Variants in TMEM252 observed in about 807,000 individuals in gnomAD.
The protein encoded by TMEM252 is transmembrane protein 252.
A neutral mutation model predicts 6.4 loss-of-function variants in TMEM252; 4 were observed. That is an observed-to-expected ratio of 0.62 (90% confidence interval 0.31 to 1.43). The LOEUF is 1.43. TMEM252 is among the 40% of genes most tolerant of loss of function. The pLI, the probability that TMEM252 is intolerant of heterozygous loss-of-function variation, is 0.07. For missense variants in TMEM252, 207 were observed against 209.4 expected, an observed-to-expected ratio of 0.99 and a Z score of 0.07; for synonymous variants, 85 against 82.5, an observed-to-expected ratio of 1.03 and a Z score of -0.17.
chr9:68,538,677 C>T (rs1825169669), intron 1 of TMEM252, among the ~76,000 whole-genome samples: 1 of 152,182 alleles, frequency 6.6e-6, no homozygotes. Flanking sequence ...CCTGGGTATC[C>T]ATTTTGAGTG....
In TMEM252 at chr9:68,537,420, C is replaced by CCT. The variant is rs763038520; in HGVS notation, c.350_351dup (p.Ala118ArgfsTer35). The stretch of plus-strand genomic sequence containing the variant: ...TATAGAGGTGGAGGAATGCCAGAGG[C>CCT]CTCTCTCTCTGCAGGACAGCTCTGC... On this transcript the variant is annotated frameshift_variant, in exon 2 of 2. Transcript: ENST00000377311. LOFTEE classifies it low-confidence loss of function (END_TRUNC). 49 of 1,606,062 alleles carry CCT rather than the reference C, an allele frequency of 3.1e-5. No homozygotes were observed. The highest frequency in any genetic ancestry group is 3.8e-5 in the Non-Finnish European group (45 of 1,177,790).
rs1237949899 is a variant in TMEM252, at chr9:68,537,214, T to TC, written c.*44dup. 6.5e-7 allele frequency: 1 copy of TC among 1,539,850 alleles called. No homozygotes were observed. The highest frequency in any genetic ancestry group is 1.2e-5 in the South Asian group (1 of 86,074). On this transcript the variant is annotated 3_prime_UTR_variant, in exon 2 of 2. Coordinates refer to ENST00000377311, the MANE Select transcript of TMEM252 (RefSeq NM_153237.2). Reference sequence around the variant, plus strand: ...GTTTGCCTTTATTATCAGTAGCTGCTCCCCACAGTGGTGGCATCATGAGTG... The same window carrying TC: ...GTTTGCCTTTATTATCAGTAGCTGCTCCCCCACAGTGGTGGCATCATGAGTG...
chr9:68,540,496 C>T, intron 1 of TMEM252, 41 bp downstream of exon 1: 2 of 1,607,304 alleles, frequency 1.2e-6, no homozygotes, highest in Non-Finnish European at 1.7e-6. Context: ...CAACTCAGCC[C>T]ATCTCAGCCC....
Position 68,540,851 on chromosome 9 carries a change from G to T in TMEM252, c.-37C>A. 1 of 1,589,042 alleles carries T rather than the reference G, an allele frequency of 6.3e-7. No individual in the cohort carries two copies. Among genetic ancestry groups the T allele is most frequent in the Non-Finnish European group, 8.6e-7 (1 of 1,161,872 alleles). The stretch of plus-strand genomic sequence containing the variant: ...AGGAACCCAGCACCCTGACCCTGCT[G>T]CTCCTCTGCTTCCCTGCTTGCTCCA... On this transcript the variant is annotated 5_prime_UTR_variant, in exon 1 of 2. Transcript: ENST00000377311.
At chr9:68,540,066 TA>T (rs1825184748) in intron 1 of TMEM252, among the ~76,000 whole-genome samples, 1 of 152,224 alleles carries the variant, frequency 6.6e-6, no homozygotes, top group Admixed American at 6.5e-5. Context: ...TCACAACACC[TA>T]AAAGGACAGT....
At chr9:68,537,612 T>G in intron 1 of TMEM252, 119 bp from the exon 2 acceptor site, 1 of 750,858 alleles carries the variant, frequency 1.3e-6, no homozygotes, top group Non-Finnish European at 2.1e-6. Context: ...AACATGGATT[T>G]TTGAAACAGA....
In TMEM252 at chr9:68,537,330, T is replaced by C; in HGVS notation, c.442A>G (p.Arg148Gly). ...ACCACCAGGCCGGCTATGGACTCTC[T>C]ATAAGATGGTGGGGCCTCTGGGTGG... ...DSHPEAPPSY[R>G]ESIAGLVVTA... Residue 148 changes from arginine to glycine, a missense_variant, in exon 2 of 2, where the codon AGA becomes GGA. By Grantham distance (125) the Arg-to-Gly change is moderately radical (BLOSUM62 -2). Coordinates refer to ENST00000377311, the MANE Select transcript of TMEM252 (RefSeq NM_153237.2). 6.2e-7 allele frequency: 1 copy of C among 1,605,968 alleles called. No homozygotes were observed. Among genetic ancestry groups the C allele is most frequent in the African/African-American group, 1.3e-5 (1 of 74,270 alleles).
At position 68,537,223 on chromosome 9, in the gene TMEM252, TG is replaced by T; in HGVS notation, c.*35del. 1 of 1,567,392 alleles carries T rather than the reference TG, an allele frequency of 6.4e-7. No individual in the cohort carries two copies. Among genetic ancestry groups the T allele is most frequent in the Non-Finnish European group, 8.7e-7 (1 of 1,148,612 alleles). On this transcript the variant is annotated 3_prime_UTR_variant, in exon 2 of 2. Transcript: ENST00000377311. Reference sequence around the variant, plus strand: ...TATTATCAGTAGCTGCTCCCCACAGTGGTGGCATCATGAGTGCTGGAGAGCT... The same window carrying T: ...TATTATCAGTAGCTGCTCCCCACAGTGTGGCATCATGAGTGCTGGAGAGCT...
chr9:68,540,638 G>A lies in TMEM252; in HGVS notation c.177C>T (p.Phe59=). ...CAGTCACCTGGCGATAGTTGCTCCA[G>A]AAAATTCCACTCAGAAGGATCACAA... ...LGFVILLSGI[F]WSNYRQVTES... Residue 59 remains phenylalanine (F), a synonymous_variant, in exon 1 of 2, where the codon TTC becomes TTT. Coordinates refer to ENST00000377311, the MANE Select transcript of TMEM252 (RefSeq NM_153237.2). The A allele has an allele frequency of 6.2e-7, 1 of 1,614,152 alleles. No homozygotes were observed. The highest frequency in any genetic ancestry group is 8.5e-7 in the Non-Finnish European group (1 of 1,180,030).
In TMEM252 at chr9:68,540,849, C is replaced by A; in HGVS notation, c.-35G>T. On this transcript the variant is annotated 5_prime_UTR_variant, in exon 1 of 2. Coordinates refer to ENST00000377311, the MANE Select transcript of TMEM252 (RefSeq NM_153237.2). ...TTAGGAACCCAGCACCCTGACCCTG[C>A]TGCTCCTCTGCTTCCCTGCTTGCTC... 1 of 1,590,058 alleles carries A rather than the reference C, an allele frequency of 6.3e-7. No homozygotes were observed. The highest frequency in any genetic ancestry group is 1.1e-5 in the South Asian group (1 of 90,162).
intron 1 of TMEM252, among the ~76,000 whole-genome samples, chr9:68,539,395 A>G (rs1713785355): frequency 6.6e-6 from 1 of 152,210 alleles, no homozygotes; most frequent in Non-Finnish European, 1.5e-5. Flanking sequence ...ATACACTCAT[A>G]TTGCTCTACA....
chr9:68,538,718 G>T (rs1276813204), intron 1 of TMEM252, among the ~76,000 whole-genome samples: 1 of 152,144 alleles, frequency 6.6e-6, no homozygotes, highest in Non-Finnish European at 1.5e-5. Context: ...GACTTCCCAG[G>T]CTGACTTGCC....
rs926975521 is a variant in TMEM252, at chr9:68,540,517, C to T, written c.278+20G>A. 1 of 1,611,376 alleles carries T rather than the reference C, an allele frequency of 6.2e-7. No individual in the cohort carries two copies. The highest frequency in any genetic ancestry group is 1.7e-5 in the Admixed American group (1 of 60,002). ...AGCCCATCTCAGCCCTTCTTGGTCC[C>T]TCTGCCTGTCAGCACGTACCTGTCT... On this transcript the variant is annotated intron_variant, in intron 1 of 1. Coordinates refer to ENST00000377311, the MANE Select transcript of TMEM252 (RefSeq NM_153237.2).
At chr9:68,537,598 A>C in intron 1 of TMEM252, 105 bp from the exon 2 acceptor site, 1 of 834,698 alleles carries the variant, frequency 1.2e-6, no homozygotes, top group Non-Finnish European at 1.8e-6. Context: ...CTAAACTGTT[A>C]AGAAACATGG....
chr9:68,540,615 G>T lies in TMEM252; in HGVS notation c.200C>A (p.Thr67Asn). 6.2e-7 allele frequency: 1 copy of T among 1,614,190 alleles called. No homozygotes were observed. The highest frequency in any genetic ancestry group is 8.5e-7 in the Non-Finnish European group (1 of 1,180,038). Residue 67 changes from threonine (T) to asparagine (N), a missense_variant, in exon 1 of 2, where the codon ACT (threonine) becomes AAT (asparagine). Thr to Asn is a moderately conservative substitution (Grantham distance 65). Coordinates refer to ENST00000377311, the MANE Select transcript of TMEM252 (RefSeq NM_153237.2). ...GTGCCTCAACACTCCTTTGCTTTCA[G>T]TCACCTGGCGATAGTTGCTCCAGAA... is the stretch of plus-strand genomic sequence containing the variant. ...GIFWSNYRQV[T>N]ESKGVLRHML...
Position 68,537,111 on chromosome 9 carries a change from C to A in TMEM252, c.*148G>T, listed in dbSNP as rs1825148711. On this transcript the variant is annotated 3_prime_UTR_variant, in exon 2 of 2. Coordinates refer to ENST00000377311, the MANE Select transcript of TMEM252 (RefSeq NM_153237.2). ...CCTGCCCTGGCATGGCCAGTTATGT[C>A]TGGAATTCAGGGCTGTCATCCCCTC... 3 of 715,942 alleles carry A rather than the reference C, an allele frequency of 4.2e-6. No individual in the cohort carries two copies. The highest frequency in any genetic ancestry group is 3.7e-5 in the African/African-American group (2 of 54,010). The allele number at this position is 715,942 out of a possible 1,614,324, so 44.3% of individuals were successfully genotyped here. A position where few individuals can be genotyped will look rare whatever the true frequency, so the allele number is the denominator to read the frequency against.
rs550145246 is a variant in TMEM252 at position 68,537,579 on chromosome 9, T to C, written c.279-86A>G. On this transcript the variant is annotated intron_variant, in intron 1 of 1. Transcript: ENST00000377311. ...GACGGCTGCCTCTCTCAGCTCAAAT[T>C]GTGCGAAGCTAAACTGTTAAGAAAC... 3.0e-5 allele frequency: 31 copies of C among 1,017,122 alleles called. No individual in the cohort carries two copies. In the African/African-American group the frequency reaches 4.0e-4, roughly 13 times the overall value. The allele number at this position is 1,017,122 out of a possible 1,614,324, so 63.0% of individuals were successfully genotyped here.
rs111242031 is a variant in TMEM252 at position 68,537,316 on chromosome 9, G to A, written c.456C>T (p.Ala152=). ...EAPPSYRESI[A]GLVVTAISED... is the part of the protein sequence containing the mutation. Reference sequence around the variant, plus strand: ...CTGAGATTGCTGTCACCACCAGGCCGGCTATGGACTCTCTATAAGATGGTG... The same window carrying A: ...CTGAGATTGCTGTCACCACCAGGCCAGCTATGGACTCTCTATAAGATGGTG... The change falls in exon 2 of 2, where the codon GCC becomes GCT. Residue 152 remains alanine, a synonymous_variant. Coordinates refer to ENST00000377311, the MANE Select transcript of TMEM252 (RefSeq NM_153237.2). 4.3e-5 allele frequency: 68 copies of A among 1,598,836 alleles called. No individual in the cohort carries two copies. Among genetic ancestry groups the A allele is most frequent in the Middle Eastern group, 1.7e-4 (1 of 6,004 alleles).
In TMEM252 at chr9:68,537,230, A is replaced by C; in HGVS notation, c.*29T>G. On this transcript the variant is annotated 3_prime_UTR_variant, in exon 2 of 2. Transcript: ENST00000377311. ...AGTAGCTGCTCCCCACAGTGGTGGC[A>C]TCATGAGTGCTGGAGAGCTTTCTCT... is the stretch of plus-strand genomic sequence containing the variant. 2 of 1,582,698 alleles carry C rather than the reference A, an allele frequency of 1.3e-6. No homozygotes were observed. Among genetic ancestry groups the C allele is most frequent in the Non-Finnish European group, 1.7e-6 (2 of 1,161,290 alleles).
Sources: gnomAD v4.1 joint callset for allele counts (sites outside exome capture counted in the v4.1 genomes callset) on GRCh38, gnomAD v4.1.1 for gene constraint, MANE v1.5 for transcripts, NCBI Gene and HGNC (gene_info 2026-07-23, HGNC 2026-07-21) for gene names.